The following CEP78 variants were observed in gnomAD, a reference collection of about 807,000 sequenced individuals.
The protein encoded by CEP78 is centrosomal protein 78.
Under a neutral mutation model 81.2 loss-of-function variants are expected in CEP78, and 76 were observed. That is an observed-to-expected ratio of 0.94 (90% CI 0.78 to 1.13). The LOEUF (loss-of-function observed/expected upper bound fraction) is 1.13. Among genes scored for constraint, CEP78 ranks in the 50% most tolerant of loss-of-function variants. CEP78 has a pLI of 0.00. For missense variants in CEP78, 918 were observed against 846.8 expected (o/e 1.08, Z -1.04); for synonymous variants, 293 against 301.4 (o/e 0.97, Z 0.29).
chr9:78,262,199 G>A (rs1252176011), intron 11 of CEP78, among the ~76,000 whole-genome samples: 1 of 147,222 alleles, frequency 6.8e-6, no homozygotes, highest in East Asian at 2.0e-4. Flanking sequence ...ATAGGGATGT[G>A]CTATTTTTTT....
In CEP78 at chr9:78,254,895, G is replaced by A; in HGVS notation, c.1311G>A (p.Glu437=). ...VESPSSSEVE[E]VDDSSESVHE... ...GTCCTTCATCCTCTGAAGTTGAAGA[G>A]GTTGATGATTCTTCAGAGAGTGTTC... Residue 437 remains glutamate, a synonymous_variant, in exon 11 of 17, where the codon GAG becomes GAA. Transcript: ENST00000643273. The A allele has an allele frequency of 6.2e-7, 1 of 1,610,380 alleles. No homozygotes were observed. Among genetic ancestry groups the A allele is most frequent in the Non-Finnish European group, 8.5e-7 (1 of 1,177,022 alleles).
chr9:78,256,602 G>A (rs1468020958), intron 11 of CEP78, among the ~76,000 whole-genome samples: 11 of 145,524 alleles, frequency 7.6e-5, no homozygotes, highest in Middle Eastern at 3.8e-3. Flanking sequence ...GCGGGATCTC[G>A]GCTCACTGCA....
intron 6 of CEP78, among the ~76,000 whole-genome samples, chr9:78,247,248 A>G (rs1238094428): frequency 6.6e-6 from 1 of 152,216 alleles, no homozygotes; most frequent in African/African-American, 2.4e-5. Flanking sequence ...AAAATACCGT[A>G]AGGTAAGAAG....
At position 78,264,126 on chromosome 9, in the gene CEP78, C is replaced by T. The variant is rs768815442; in HGVS notation, c.1459-24C>T. 10 of 1,392,836 alleles carry T rather than the reference C, an allele frequency of 7.2e-6. No homozygotes were observed. The Admixed American group carries it at 2.5e-4, about 35-fold the overall frequency. The allele number at this position is 1,392,836 out of a possible 1,614,324, so 86.3% of individuals were successfully genotyped here. A position where few individuals can be genotyped will look rare whatever the true frequency, so the allele number is the denominator to read the frequency against. ...GTGATAATGAGAGAAAATCATGTCA[C>T]ACATTTTCAATCTTCTTTTATAGCT... On this transcript the variant is annotated intron_variant, in intron 12 of 16. Transcript: ENST00000643273.
chr9:78,265,286 A>T, intron 13 of CEP78, 86 bp from the exon 14 acceptor site: 1 of 1,075,402 alleles, frequency 9.3e-7, no homozygotes, highest in Non-Finnish European at 1.3e-6. Context: ...AGAAGTATTT[A>T]ATGATTGTAG....
At chr9:78,256,033 A>T (rs1438974472) in intron 11 of CEP78, among the ~76,000 whole-genome samples, 4 of 152,238 alleles carry the variant, frequency 2.6e-5, no homozygotes, top group African/African-American at 9.6e-5. Flanking sequence ...AAACGATATT[A>T]TCAAAATTTC....
chr9:78,258,203 G>T (rs1827126246), intron 11 of CEP78, among the ~76,000 whole-genome samples: 1 of 152,164 alleles, frequency 6.6e-6, no homozygotes, highest in Non-Finnish European at 1.5e-5. Context: ...CAGAAAAGAA[G>T]CTAAATTTAA....
intron 11 of CEP78, among the ~76,000 whole-genome samples, chr9:78,256,475 A>T (rs937743587): frequency 2.0e-5 from 3 of 151,426 alleles, no homozygotes; most frequent in Non-Finnish European, 4.4e-5. Context: ...CCACTTCTTC[A>T]TGCATAACAG....
In CEP78 at chr9:78,274,094, T is replaced by TAGC. The variant is rs1827754002; in HGVS notation, c.*3247_*3249dup. ...CACAAAACCTGTGCGTGGATATTTA[T>TAGC]AGCAGCTCCATTCATAGTGACCAAG... On this transcript the variant is annotated 3_prime_UTR_variant, in exon 17 of 17. Coordinates refer to ENST00000643273, the MANE Select transcript of CEP78 (RefSeq NM_001330691.3). 6.6e-6 allele frequency: 1 copy of TAGC among 152,290 alleles called. No homozygotes were observed. Among genetic ancestry groups the TAGC allele is most frequent in the African/African-American group, 2.4e-5 (1 of 41,470 alleles). The allele number at this position is 152,290 out of a possible 1,614,324, so 9.4% of individuals were successfully genotyped here.
In CEP78 at chr9:78,236,247, C is replaced by A; in HGVS notation, c.-104C>A. 9.9e-7 allele frequency: 1 copy of A among 1,013,682 alleles called. No homozygotes were observed. The highest frequency in any genetic ancestry group is 1.4e-6 in the Non-Finnish European group (1 of 709,730). The allele number at this position is 1,013,682 out of a possible 1,614,324, so 62.8% of individuals were successfully genotyped here. On this transcript the variant is annotated 5_prime_UTR_variant, in exon 1 of 17. Transcript: ENST00000643273. Reference sequence around the variant, plus strand: ...GAGCCCGGTGCGGGGCTGCCGCTATCGCCTGGCCGTGGGTGCCGGAGCGGC... The same window carrying A: ...GAGCCCGGTGCGGGGCTGCCGCTATAGCCTGGCCGTGGGTGCCGGAGCGGC...
Position 78,240,109 on chromosome 9 carries a change from G to C in CEP78, c.340G>C (p.Gly114Arg), listed in dbSNP as rs1266588478. The part of the protein sequence containing the change: ...VTFQLCKALK[G>R]CLSISSVLKN... ...CTTCCAGTTGTGTAAAGCTCTTAAA[G>C]GCTGTTTAAGTATATCAAGTGTGCT... Residue 114 changes from glycine (G) to arginine (R), a missense_variant, in exon 2 of 17, where the codon GGC becomes CGC. Gly to Arg is a moderately radical substitution (Grantham distance 125). Coordinates refer to ENST00000643273, the MANE Select transcript of CEP78 (RefSeq NM_001330691.3). The C allele has an allele frequency of 6.3e-7, 1 of 1,585,584 alleles. No homozygotes were observed. The highest frequency in any genetic ancestry group is 2.0e-5 in the Admixed American group (1 of 49,022).
At chr9:78,253,563 G>A (rs778964481) in intron 10 of CEP78, 30 of 332,538 alleles carry the variant, frequency 9.0e-5, no homozygotes, top group Non-Finnish European at 1.4e-4. Flanking sequence ...TTTCTCACCC[G>A]ACACATGGAG....
At position 78,252,045 on chromosome 9, in the gene CEP78, T is replaced by A; in HGVS notation, c.1205+2T>A. 6.3e-7 allele frequency: 1 copy of A among 1,578,382 alleles called. No individual in the cohort carries two copies. The highest frequency in any genetic ancestry group is 1.7e-5 in the Admixed American group (1 of 58,652). On this transcript the variant is annotated splice_donor_variant, in intron 9 of 16. Transcript: ENST00000643273. LOFTEE classifies it high-confidence loss of function. ...TGCAGAACGTGCAAAAAGACACAGG[T>A]AGGGTATTTTTATTTCCTATCTTTT...
intron 11 of CEP78, among the ~76,000 whole-genome samples, chr9:78,261,369 A>G (rs1827266192): frequency 6.6e-6 from 1 of 152,224 alleles, no homozygotes; most frequent in Non-Finnish European, 1.5e-5. Context: ...GTTGTGTTCC[A>G]GAAAAAATAT....
chr9:78,242,378 A>G (rs145293598), intron 4 of CEP78, among the ~76,000 whole-genome samples: 1 of 152,304 alleles, frequency 6.6e-6, no homozygotes, highest in Non-Finnish European at 1.5e-5. Context: ...TCCGTGGGAT[A>G]GATAATGGTT....
At chr9:78,237,784 C>T (rs1409844504) in intron 1 of CEP78, among the ~76,000 whole-genome samples, 1 of 151,950 alleles carries the variant, frequency 6.6e-6, no homozygotes. Flanking sequence ...GAATTGTAAT[C>T]TAATGGCCCA....
rs1587574673 is a variant in CEP78 at position 78,250,259 on chromosome 9, C to T, written c.1069+1386C>T. The stretch of plus-strand genomic sequence containing the variant: ...TATTTGCCTCAGTAATTTGGAGACA[C>T]AGAGGTAAGCCAAATCAGTGTCTGG... On this transcript the variant is annotated intron_variant, in intron 8 of 16. Transcript: ENST00000643273. The T allele has an allele frequency of 2.0e-5, 8 of 398,022 alleles. 1 individual carries two copies. The South Asian group carries it at 7.7e-4, about 38-fold the overall frequency. The allele number at this position is 398,022 out of a possible 1,614,324, so 24.7% of individuals were successfully genotyped here.
intron 11 of CEP78, among the ~76,000 whole-genome samples, chr9:78,256,564 G>C (rs547010914): frequency 8.5e-6 from 1 of 118,340 alleles, no homozygotes; most frequent in South Asian, 2.6e-4. Context: ...ATGGAGTCTC[G>C]CTCTGTCGCC....
At position 78,246,765 on chromosome 9, in the gene CEP78, G is replaced by GA. The variant is rs767748856; in HGVS notation, c.881dup (p.Asn294LysfsTer5). 3 of 1,591,314 alleles carry GA rather than the reference G, an allele frequency of 1.9e-6. No homozygotes were observed. Among genetic ancestry groups the GA allele is most frequent in the East Asian group, 4.5e-5 (2 of 44,352 alleles). ...ACAACTCTGGTCGTTCTGGATATAA[G>GA]AAAAAATCCACTCATTGGTATGTCG... On this transcript the variant is annotated frameshift_variant, in exon 6 of 17. Coordinates refer to ENST00000643273, the MANE Select transcript of CEP78 (RefSeq NM_001330691.3). LOFTEE classifies it high-confidence loss of function.
Sources: allele counts gnomAD v4.1 joint callset (sites outside exome capture counted in the v4.1 genomes callset), GRCh38; gene constraint gnomAD v4.1.1; transcripts MANE v1.5; gene names NCBI Gene and HGNC (gene_info 2026-07-23, HGNC 2026-07-21).